The following SORCS3 variants were observed in gnomAD, a reference collection of about 807,000 sequenced individuals.
SORCS3 encodes the protein VPS10 domain-containing receptor SorCS3.
SORCS3 carries 57 observed loss-of-function variants against 146.3 expected under a neutral mutation model. The observed-to-expected ratio is 0.39, with a 90% CI of 0.31 to 0.49. The LOEUF (loss-of-function observed/expected upper bound fraction) is 0.49, where lower values mean the gene tolerates loss of function less well. SORCS3 is among the 20% of genes least tolerant of loss of function. SORCS3 has a pLI of 0.92. For synonymous variants in SORCS3, 653 were observed against 618.5 expected (o/e 1.06, Z -0.83); for missense variants, 1,341 against 1,575.5 (o/e 0.85, Z 2.52).
At chr10:104,658,230 T>C (rs1003443778) in intron 1 of SORCS3, among the ~76,000 whole-genome samples, 9 of 152,126 alleles carry the variant, frequency 5.9e-5, no homozygotes, top group African/African-American at 1.9e-4. Context: ...CAGTGGCAGA[T>C]TGAGGGATGC....
Position 104,641,399 on chromosome 10 carries a change from C to T in SORCS3, c.72C>T (p.Leu24=), listed in dbSNP as rs1485018318. 1.4e-6 allele frequency: 2 copies of T among 1,460,502 alleles called. No homozygotes were observed. The highest frequency in any genetic ancestry group is 1.3e-5 in the South Asian group (1 of 76,228). 90.5% of individuals were successfully genotyped at this position (1,460,502 alleles called of 1,614,324 possible). ...CGCTTGTCCGGACGGGGCTCCTACTCTTGTCGACGTGGGTCCTGGCCGGCG... is the reference window on the plus strand; with the variant it reads ...CGCTTGTCCGGACGGGGCTCCTACTTTTGTCGACGTGGGTCCTGGCCGGCG... ...GAPLVRTGLL[L]LSTWVLAGAE... is the part of the protein sequence containing the mutation. Residue 24 remains leucine, a synonymous_variant, in exon 1 of 27, where the codon CTC becomes CTT. Transcript: ENST00000369701. The surrounding 1 kb of genome is among the most constrained non-coding windows in gnomAD (Gnocchi z 6.4).
chr10:105,194,196 A>T (rs2056532461), intron 14 of SORCS3, among the ~76,000 whole-genome samples: 1 of 152,170 alleles, frequency 6.6e-6, no homozygotes, highest in Non-Finnish European at 1.5e-5. Flanking sequence ...TCCAAGGCTC[A>T]CTAGGAAGAT....
chr10:104,714,359 A>G (rs1035224962), intron 1 of SORCS3, among the ~76,000 whole-genome samples: 1 of 151,866 alleles, frequency 6.6e-6, no homozygotes, highest in African/African-American at 2.4e-5. Flanking sequence ...CATTGATTTT[A>G]TAGCTTTCTT....
intron 14 of SORCS3, among the ~76,000 whole-genome samples, chr10:105,182,593 T>C (rs976319248): frequency 2.0e-5 from 3 of 152,166 alleles, no homozygotes; most frequent in Non-Finnish European, 2.9e-5. Flanking sequence ...TAGTTCTTGA[T>C]GTTAATTCAC....
At chr10:105,070,446 T>G (rs2133725490) in intron 5 of SORCS3, among the ~76,000 whole-genome samples, 1 of 152,314 alleles carries the variant, frequency 6.6e-6, no homozygotes, top group African/African-American at 2.4e-5. Context: ...GGTTTCTGGA[T>G]CAAGTAGATC....
At chr10:104,959,963 G>A (rs1009093514) in intron 3 of SORCS3, among the ~76,000 whole-genome samples, 3 of 152,126 alleles carry the variant, frequency 2.0e-5, no homozygotes, top group African/African-American at 7.2e-5. Flanking sequence ...GGCACCATTG[G>A]TTATTACAGC....
At chr10:104,940,232 ATATATATTT>A (rs1307545783) in intron 3 of SORCS3, among the ~76,000 whole-genome samples, 127 of 22,426 alleles carry the variant, frequency 5.7e-3, no homozygotes, top group Middle Eastern at 0.017. Flanking sequence ...ATATATATAT[ATATATATTT>A]TTTTTTTTTT....
chr10:105,181,257 G>GGA (rs1280213168), intron 14 of SORCS3, among the ~76,000 whole-genome samples: 2 of 152,180 alleles, frequency 1.3e-5, no homozygotes, highest in Non-Finnish European at 2.9e-5. Flanking sequence ...CATGGCTCTA[G>GGA]CATGTTAGGA....
chr10:104,696,449 G>T (rs377751923), intron 1 of SORCS3, among the ~76,000 whole-genome samples: 55 of 1,000 alleles, frequency 0.055, 2 homozygotes, highest in Admixed American at 0.094. Flanking sequence ...ATAATATATA[G>T]AATATAGAAT....
At chr10:105,032,003 A>C (rs1253870541) in intron 4 of SORCS3, among the ~76,000 whole-genome samples, 1 of 151,656 alleles carries the variant, frequency 6.6e-6, no homozygotes, top group Non-Finnish European at 1.5e-5. Flanking sequence ...GACCAGCCTG[A>C]CCAACATGGA....
At chr10:105,236,970 A>G (rs145270331) in intron 20 of SORCS3, among the ~76,000 whole-genome samples, 41 of 152,266 alleles carry the variant, frequency 2.7e-4, no homozygotes, top group African/African-American at 5.3e-4. Flanking sequence ...CCTCATATAT[A>G]TTATGCCATA....
At chr10:104,649,897 C>T (rs1406275292) in intron 1 of SORCS3, among the ~76,000 whole-genome samples, 3 of 152,158 alleles carry the variant, frequency 2.0e-5, no homozygotes, top group Non-Finnish European at 2.9e-5. Context: ...CAACTCACAG[C>T]TAATCAAGGG....
chr10:104,747,146 G>T (rs978691822), intron 1 of SORCS3, among the ~76,000 whole-genome samples: 1 of 152,158 alleles, frequency 6.6e-6, no homozygotes, highest in Non-Finnish European at 1.5e-5. Context: ...TTGGTCCATT[G>T]TTCTGTGGTC....
intron 1 of SORCS3, among the ~76,000 whole-genome samples, chr10:104,721,859 A>G (rs2016554035): frequency 6.6e-6 from 1 of 152,244 alleles, no homozygotes; most frequent in African/African-American, 2.4e-5. Context: ...GTTGCCTATC[A>G]GCTTAAGGAG....
intron 1 of SORCS3, among the ~76,000 whole-genome samples, chr10:104,741,134 ATTT>A (rs34447542): frequency 6.7e-5 from 7 of 104,876 alleles, no homozygotes; most frequent in Non-Finnish European, 3.7e-5. Context: ...GATAATTTAA[ATTT>A]TTTTTTTTTT....
At position 104,706,365 on chromosome 10, in the gene SORCS3, C is replaced by T. The variant is rs554624388; in HGVS notation, c.627+64411C>T. ...TGGGGACTACAGGCGTGCACCACCACGCCCAGGTGATTTTTGTATTTTTAG... is the reference window on the plus strand; with the variant it reads ...TGGGGACTACAGGCGTGCACCACCATGCCCAGGTGATTTTTGTATTTTTAG... On this transcript the variant is annotated intron_variant, in intron 1 of 26. Transcript: ENST00000369701. 7.2e-4 allele frequency among the ~76,000 whole-genome samples: 110 copies of T among 151,808 alleles called. 1 individual carries two copies. The highest frequency in any genetic ancestry group is 1.9e-3 in the African/African-American group (78 of 41,402).
intron 14 of SORCS3, 102 bp downstream of exon 14, chr10:105,178,275 C>T: frequency 1.2e-6 from 1 of 846,760 alleles, no homozygotes; most frequent in Non-Finnish European, 1.8e-6. Flanking sequence ...CCAAAGTGGT[C>T]CAATCTCTGG....
At chr10:104,927,492 A>G (rs2133608190) in intron 3 of SORCS3, among the ~76,000 whole-genome samples, 1 of 152,362 alleles carries the variant, frequency 6.6e-6, no homozygotes, top group South Asian at 2.1e-4. Context: ...ATAAGAGAAA[A>G]TAACAACACA....
rs569533785 is a variant in SORCS3 at position 104,740,680 on chromosome 10, A to T, written c.627+98726A>T. On this transcript the variant is annotated intron_variant, in intron 1 of 26. Transcript: ENST00000369701. ...GTTAATGGATTAACATTCATTGCACAGAGGTTTTATAAAAGACACTTATTT... is the reference window on the plus strand; with the variant it reads ...GTTAATGGATTAACATTCATTGCACTGAGGTTTTATAAAAGACACTTATTT... Among the ~76,000 whole-genome samples the T allele has an allele frequency of 1.4e-4, 22 of 152,340 alleles. No individual in the cohort carries two copies. In the South Asian group the frequency reaches 3.9e-3, roughly 27 times the overall value.
Sources: allele counts gnomAD v4.1 joint callset (sites outside exome capture counted in the v4.1 genomes callset), GRCh38; gene constraint gnomAD v4.1.1; non-coding constraint Gnocchi (gnomAD v3.1); transcripts MANE v1.5; gene names NCBI Gene and HGNC (gene_info 2026-07-23, HGNC 2026-07-21).